The following PKDCC variants were observed in gnomAD, a reference collection of about 807,000 sequenced individuals.
PKDCC encodes extracellular tyrosine-protein kinase PKDCC.
Under a neutral mutation model 44.7 loss-of-function variants are expected in PKDCC, and 35 were observed. The observed-to-expected ratio is 0.78, with a 90% CI of 0.60 to 1.04. The LOEUF is 1.04. PKDCC is among the 50% of genes least tolerant of loss of function. The pLI, the probability that PKDCC is intolerant of heterozygous loss-of-function variation, is 0.00. For missense variants in PKDCC, 738 were observed against 672.7 expected, an observed-to-expected ratio of 1.10 and a Z score of -1.07; for synonymous variants, 353 against 303.3, an observed-to-expected ratio of 1.16 and a Z score of -1.70.
chr2:42,055,141 G>C lies in PKDCC; in HGVS notation c.1114+121G>C. 7.7e-7 allele frequency: 1 copy of C among 1,294,456 alleles called. No individual in the cohort carries two copies. Among genetic ancestry groups the C allele is most frequent in the Admixed American group, 1.8e-5 (1 of 54,404 alleles). The allele number at this position is 1,294,456 out of a possible 1,614,324, so 80.2% of individuals were successfully genotyped here. On this transcript the variant is annotated intron_variant, in intron 4 of 6. Coordinates refer to ENST00000294964, the MANE Select transcript of PKDCC (RefSeq NM_138370.3). The surrounding 1 kb of genome is among the most constrained non-coding windows in gnomAD (Gnocchi z 4.5). ...CTAGAAACCATCACTTCCTAAGGTG[G>C]CATTCTGCCGCAACCTCCCCGCTCC... is the stretch of plus-strand genomic sequence containing the variant.
At chr2:42,050,369 G>T (rs1667945241) in intron 1 of PKDCC, among the ~76,000 whole-genome samples, 1 of 152,166 alleles carries the variant, frequency 6.6e-6, no homozygotes, top group South Asian at 2.1e-4. Context: ...GAGTGGAGAG[G>T]TCTTGAGTGA....
chr2:42,057,146 C>T, intron 5 of PKDCC, 75 bp from the exon 6 acceptor site: 1 of 1,530,166 alleles, frequency 6.5e-7, no homozygotes, highest in Non-Finnish European at 9.0e-7. Context: ...CTGCCCTTTC[C>T]AGAAAGTGAC....
intron 1 of PKDCC, 67 bp from the exon 2 acceptor site, chr2:42,053,170 GAC>G (rs1274408984): frequency 6.9e-6 from 9 of 1,302,358 alleles, no homozygotes; most frequent in Non-Finnish European, 9.5e-6. Flanking sequence ...GGGGGAACCT[GAC>G]AGTCCAGCCC....
At position 42,055,129 on chromosome 2, in the gene PKDCC, C is replaced by A; in HGVS notation, c.1114+109C>A. The A allele has an allele frequency of 7.3e-7, 1 of 1,362,078 alleles. No homozygotes were observed. The highest frequency in any genetic ancestry group is 1.0e-6 in the Non-Finnish European group (1 of 959,588). 84.4% of individuals were successfully genotyped at this position (1,362,078 alleles called of 1,614,324 possible). ...GCAGCAGGGGTTCTAGAAACCATCA[C>A]TTCCTAAGGTGGCATTCTGCCGCAA... On this transcript the variant is annotated intron_variant, in intron 4 of 6. Coordinates refer to ENST00000294964, the MANE Select transcript of PKDCC (RefSeq NM_138370.3). The surrounding 1 kb of genome is among the most constrained non-coding windows in gnomAD (Gnocchi z 4.5).
intron 2 of PKDCC, 148 bp downstream of exon 2, chr2:42,053,509 A>G (rs1399716868): frequency 8.9e-7 from 1 of 1,123,608 alleles, no homozygotes; most frequent in African/African-American, 1.6e-5. Context: ...CCACCGGCCA[A>G]AGGGTTCAAA....
intron 6 of PKDCC, 80 bp from the exon 7 acceptor site, chr2:42,057,523 G>C: frequency 6.4e-7 from 1 of 1,562,674 alleles, no homozygotes; most frequent in East Asian, 2.3e-5. Context: ...GTGTCTTCAA[G>C]GCAGTCAAAT....
Position 42,054,894 on chromosome 2 carries a change from GTC to G in PKDCC, c.1035-44_1035-43del. The G allele has an allele frequency of 6.5e-7, 1 of 1,540,224 alleles. No individual in the cohort carries two copies. The highest frequency in any genetic ancestry group is 9.0e-7 in the Non-Finnish European group (1 of 1,112,796). ...CCAGGTTGGAATAGAGGAAGGATGT[GTC>G]TCCAAAGGCTGGATTCCTGAGCCAC... On this transcript the variant is annotated intron_variant, in intron 3 of 6. Transcript: ENST00000294964. The surrounding 1 kb of genome is among the most constrained non-coding windows in gnomAD (Gnocchi z 6.1).
chr2:42,049,753 A>C (rs1667936272), intron 1 of PKDCC, among the ~76,000 whole-genome samples: 7 of 151,532 alleles, frequency 4.6e-5, no homozygotes. Context: ...CCGCCCTAAC[A>C]CTCCACGTCC....
At position 42,053,293 on chromosome 2, in the gene PKDCC, A is replaced by G. The variant is rs1223093331; in HGVS notation, c.694A>G (p.Ile232Val). 1.2e-6 allele frequency: 2 copies of G among 1,610,744 alleles called. No homozygotes were observed. Among genetic ancestry groups the G allele is most frequent in the Non-Finnish European group, 1.7e-6 (2 of 1,179,074 alleles). ...GGACATCCCAGACACCCTGACCACC[A>G]TCACGGAGCTGGGCGCCCCTGTAGA... ...SEDIPDTLTT[I>V]TELGAPVEMI... Residue 232 changes from isoleucine (I) to valine (V), a missense_variant, in exon 2 of 7, where the codon ATC becomes GTC. By Grantham distance (29) the Ile-to-Val change is conservative. Transcript: ENST00000294964.
rs1276231513 is a variant in PKDCC, at chr2:42,048,197, G to T, written c.-3G>T. 3 of 1,156,090 alleles carry T rather than the reference G, an allele frequency of 2.6e-6. No homozygotes were observed. The highest frequency in any genetic ancestry group is 3.2e-6 in the Non-Finnish European group (3 of 936,038). 71.6% of individuals were successfully genotyped at this position (1,156,090 alleles called of 1,614,324 possible). On this transcript the variant is annotated 5_prime_UTR_variant, in exon 1 of 7. Coordinates refer to ENST00000294964, the MANE Select transcript of PKDCC (RefSeq NM_138370.3). The surrounding 1 kb of genome is among the most constrained non-coding windows in gnomAD (Gnocchi z 6.2). ...GGGCCGGCCGGCCGGGGGGAGGGGA[G>T]CGATGCGGCGCCGGCGGGCGGCAGT...
At chr2:42,049,350 G>C (rs780551247) in intron 1 of PKDCC, among the ~76,000 whole-genome samples, 2 of 152,264 alleles carry the variant, frequency 1.3e-5, no homozygotes, top group Non-Finnish European at 2.9e-5. Context: ...CATGTGTCAG[G>C]CTTGATTCCT....
chr2:42,055,415 C>T lies in PKDCC; in HGVS notation c.1222+22C>T. ...ACCGGTGAGTGGCCCCAAGCTGATC[C>T]ACAGGGAAGCAAGAAACAGGTGGGA... On this transcript the variant is annotated intron_variant, in intron 5 of 6. Transcript: ENST00000294964. This position sits in a 1 kb window ranked among gnomAD's most constrained non-coding sequence, Gnocchi z 4.5. 6.2e-7 allele frequency: 1 copy of T among 1,604,610 alleles called. No homozygotes were observed. The highest frequency in any genetic ancestry group is 8.5e-7 in the Non-Finnish European group (1 of 1,174,064).
chr2:42,053,915 TAGAAG>T (rs1391069313), intron 2 of PKDCC, 116 bp from the exon 3 acceptor site: 1 of 1,272,606 alleles, frequency 7.9e-7, no homozygotes, highest in East Asian at 2.4e-5. Flanking sequence ...CTGGGGCCTA[TAGAAG>T]AGAAGTGCCA....
chr2:42,048,616 C>T lies in PKDCC; in HGVS notation c.417C>T (p.Ser139=). ...GCTGCGCCGCGCTTCGCAACGTGTC[C>T]GGCGCGCAGTACATGGGCTCAGGCT... ...RLGCAALRNV[S]GAQYMGSGYT... Residue 139 remains serine (S), a synonymous_variant, in exon 1 of 7, where the codon TCC becomes TCT. Coordinates refer to ENST00000294964, the MANE Select transcript of PKDCC (RefSeq NM_138370.3). The surrounding 1 kb of genome is among the most constrained non-coding windows in gnomAD (Gnocchi z 6.2). The T allele has an allele frequency of 7.2e-6, 11 of 1,523,556 alleles. No individual in the cohort carries two copies. Among genetic ancestry groups the T allele is most frequent in the African/African-American group, 1.4e-5 (1 of 71,958 alleles). 94.4% of individuals were successfully genotyped at this position (1,523,556 alleles called of 1,614,324 possible). A position where few individuals can be genotyped will look rare whatever the true frequency, so the allele number is the denominator to read the frequency against.
In PKDCC at chr2:42,048,493, G is replaced by C; in HGVS notation, c.294G>C (p.Pro98=). ...MDLAPGGPGL[P]RPRPPWARPL... The stretch of plus-strand genomic sequence containing the variant: ...TGGCTCCGGGCGGGCCCGGCCTGCC[G>C]CGCCCCCGGCCCCCTTGGGCCCGGC... The change falls in exon 1 of 7, where the codon CCG becomes CCC. Residue 98 remains proline (P), a synonymous_variant. Transcript: ENST00000294964. The surrounding 1 kb of genome is among the most constrained non-coding windows in gnomAD (Gnocchi z 6.2). The C allele has an allele frequency of 9.5e-7, 1 of 1,050,660 alleles. No individual in the cohort carries two copies. The highest frequency in any genetic ancestry group is 1.1e-6 in the Non-Finnish European group (1 of 874,422). The allele number at this position is 1,050,660 out of a possible 1,614,324, so 65.1% of individuals were successfully genotyped here.
Position 42,048,350 on chromosome 2 carries a change from G to C in PKDCC, c.151G>C (p.Gly51Arg). 1 of 1,167,980 alleles carries C rather than the reference G, an allele frequency of 8.6e-7. No individual in the cohort carries two copies. Among genetic ancestry groups the C allele is most frequent in the Non-Finnish European group, 1.1e-6 (1 of 947,196 alleles). 72.4% of individuals were successfully genotyped at this position (1,167,980 alleles called of 1,614,324 possible). Residue 51 changes from glycine (G) to arginine (R), a missense_variant, in exon 1 of 7, where the codon GGG (glycine) becomes CGG (arginine). Transcript: ENST00000294964. The surrounding 1 kb of genome is among the most constrained non-coding windows in gnomAD (Gnocchi z 6.2). Reference protein sequence around the residue: ...PSPAPGPGRRGGRGELARQIR... With the variant: ...PSPAPGPGRRRGRGELARQIR... Reference sequence around the variant, plus strand: ...GCCGGCCCCGGGTCCGGGCCGTCGCGGGGGCCGCGGGGAGCTGGCCCGGCA... The same window carrying C: ...GCCGGCCCCGGGTCCGGGCCGTCGCCGGGGCCGCGGGGAGCTGGCCCGGCA...
In PKDCC at chr2:42,048,282, CG is replaced by C; in HGVS notation, c.86del (p.Gly29AlafsTer59). The C allele has an allele frequency of 2.3e-6, 3 of 1,276,946 alleles. No homozygotes were observed. The highest frequency in any genetic ancestry group is 3.6e-5 in the Admixed American group (1 of 27,456). The allele number at this position is 1,276,946 out of a possible 1,614,324, so 79.1% of individuals were successfully genotyped here. A position where few individuals can be genotyped will look rare whatever the true frequency, so the allele number is the denominator to read the frequency against. ...LGSVLNVLFA[P>X]GSEPPRPGQS... ...TCCGTCCTCAACGTGCTCTTCGCTC[CG>C]GGCTCGGAGCCTCCGAGGCCAGGCC... is the stretch of plus-strand genomic sequence containing the variant. On this transcript the variant is annotated frameshift_variant, in exon 1 of 7. Coordinates refer to ENST00000294964, the MANE Select transcript of PKDCC (RefSeq NM_138370.3). LOFTEE classifies it high-confidence loss of function. The surrounding 1 kb of genome is among the most constrained non-coding windows in gnomAD (Gnocchi z 6.2).
rs758068211 is a variant in PKDCC, at chr2:42,052,084, G to C, written c.640-1155G>C. On this transcript the variant is annotated intron_variant, in intron 1 of 6. Coordinates refer to ENST00000294964, the MANE Select transcript of PKDCC (RefSeq NM_138370.3). This position sits in a 1 kb window ranked among gnomAD's most constrained non-coding sequence, Gnocchi z 4.3. Reference sequence around the variant, plus strand: ...CTGTTAAGGTGGTAGTGACACTCAGGCTTTGCTTCCCAGAAGTCCCTGGGC... The same window carrying C: ...CTGTTAAGGTGGTAGTGACACTCAGCCTTTGCTTCCCAGAAGTCCCTGGGC... 1.3e-5 allele frequency among the ~76,000 whole-genome samples: 2 copies of C among 152,038 alleles called. No homozygotes were observed. The highest frequency in any genetic ancestry group is 2.9e-5 in the Non-Finnish European group (2 of 68,004).
In PKDCC at chr2:42,052,428, G is replaced by A. The variant is rs1667984439; in HGVS notation, c.640-811G>A. Among the ~76,000 whole-genome samples the A allele has an allele frequency of 6.6e-6, 1 of 152,182 alleles. No individual in the cohort carries two copies. Among genetic ancestry groups the A allele is most frequent in the African/African-American group, 2.4e-5 (1 of 41,428 alleles). Reference sequence around the variant, plus strand: ...ATAATGTCCAACCGTATGCTCGCTTGTGTATTACCAAACAGCATTCTTAGA... The same window carrying A: ...ATAATGTCCAACCGTATGCTCGCTTATGTATTACCAAACAGCATTCTTAGA... On this transcript the variant is annotated intron_variant, in intron 1 of 6. Coordinates refer to ENST00000294964, the MANE Select transcript of PKDCC (RefSeq NM_138370.3). The surrounding 1 kb of genome is among the most constrained non-coding windows in gnomAD (Gnocchi z 4.3).
Sources: allele counts gnomAD v4.1 joint callset (sites outside exome capture counted in the v4.1 genomes callset), GRCh38; gene constraint gnomAD v4.1.1; non-coding constraint Gnocchi (gnomAD v3.1); transcripts MANE v1.5; gene names NCBI Gene and HGNC (gene_info 2026-07-23, HGNC 2026-07-21).